CDK6: variants seen among roughly 807,000 people sequenced by gnomAD.
CDK6 encodes the protein cyclin-dependent kinase 6.
CDK6 carries 6 observed loss-of-function variants against 37.1 expected under a neutral mutation model. The ratio of observed to expected loss-of-function variants is 0.16; its 90% CI spans 0.09 to 0.32. The LOEUF is 0.32. CDK6 is among the 10% of genes least tolerant of loss of function. The pLI is 1.00. For synonymous variants in CDK6, 160 were observed against 161.3 expected, an observed-to-expected ratio of 0.99 and a Z score of 0.06; for missense variants, 224 against 418.9, an observed-to-expected ratio of 0.53 and a Z score of 4.06.
chr7:92,785,938 C>T (rs543914301), intron 2 of CDK6, among the ~76,000 whole-genome samples: 1 of 152,332 alleles, frequency 6.6e-6, no homozygotes, highest in Admixed American at 6.5e-5. Flanking sequence ...CCCAAACCCT[C>T]TTACATTTTT....
At chr7:92,758,058 A>T (rs573377873) in intron 3 of CDK6, among the ~76,000 whole-genome samples, 1 of 152,140 alleles carries the variant, frequency 6.6e-6, no homozygotes, top group South Asian at 2.1e-4. Context: ...CCTTTGTCAG[A>T]TGCACAGTTT....
chr7:92,774,304 C>T (rs902080720), intron 3 of CDK6, among the ~76,000 whole-genome samples: 3 of 152,142 alleles, frequency 2.0e-5, no homozygotes, highest in Admixed American at 6.6e-5. Flanking sequence ...ATACAATGTG[C>T]TCATGAATAA....
rs369544145 is a variant in CDK6 at position 92,712,006 on chromosome 7, G to A, written c.537+13620C>T. Among the ~76,000 whole-genome samples, 185 of 152,020 alleles carry A rather than the reference G, an allele frequency of 1.2e-3. 1 individual carries two copies. Among genetic ancestry groups the A allele is most frequent in the African/African-American group, 4.4e-3 (181 of 41,496 alleles). On this transcript the variant is annotated intron_variant, in intron 4 of 7. Coordinates refer to ENST00000424848, the MANE Select transcript of CDK6 (RefSeq NM_001145306.2). ...GATCGAGACCATCTTGGCTAACACG[G>A]TGAACCCTTGTCTCTACTAAAAATA... is the stretch of plus-strand genomic sequence containing the variant.
chr7:92,766,464 T>A (rs920729038), intron 3 of CDK6, among the ~76,000 whole-genome samples: 1 of 152,210 alleles, frequency 6.6e-6, no homozygotes, highest in South Asian at 2.1e-4. Flanking sequence ...GTCAATGTTT[T>A]ACATGGTTAG....
chr7:92,703,899 A>C (rs896805391), intron 4 of CDK6, among the ~76,000 whole-genome samples: 2 of 152,164 alleles, frequency 1.3e-5, no homozygotes, highest in African/African-American at 2.4e-5. Context: ...CAGGTCCCCC[A>C]CAGAGGGGCC....
intron 3 of CDK6, among the ~76,000 whole-genome samples, chr7:92,772,557 T>G (rs1799743663): frequency 6.6e-6 from 1 of 152,100 alleles, no homozygotes; most frequent in African/African-American, 2.4e-5. Context: ...AATTAACTTT[T>G]AATGTCACCT....
chr7:92,808,424 A>G (rs1352389174), intron 2 of CDK6, among the ~76,000 whole-genome samples: 3 of 152,226 alleles, frequency 2.0e-5, no homozygotes, highest in African/African-American at 4.8e-5. Flanking sequence ...TAGTCGGCCA[A>G]ATAGTTTGGT....
At chr7:92,734,314 A>G (rs1348176998) in intron 3 of CDK6, among the ~76,000 whole-genome samples, 1 of 152,098 alleles carries the variant, frequency 6.6e-6, no homozygotes, top group African/African-American at 2.4e-5. Flanking sequence ...CACTGATCTC[A>G]GTCCTCAAAT....
chr7:92,792,814 A>T (rs749972088), intron 2 of CDK6, among the ~76,000 whole-genome samples: 5 of 152,030 alleles, frequency 3.3e-5, no homozygotes, highest in Non-Finnish European at 5.9e-5. Flanking sequence ...ACAACTGTAA[A>T]CATATACTTC....
At chr7:92,642,169 C>T (rs1463850665) in intron 5 of CDK6, among the ~76,000 whole-genome samples, 1 of 152,142 alleles carries the variant, frequency 6.6e-6, no homozygotes, top group African/African-American at 2.4e-5. Context: ...CCCCCAACTC[C>T]TCCTTGTGGA....
At chr7:92,715,365 C>G (rs980045882) in intron 4 of CDK6, among the ~76,000 whole-genome samples, 3 of 151,986 alleles carry the variant, frequency 2.0e-5, no homozygotes, top group Non-Finnish European at 4.4e-5. Flanking sequence ...ATTCTGCCAG[C>G]CTTCAAAATA....
intron 3 of CDK6, among the ~76,000 whole-genome samples, chr7:92,774,362 G>A (rs887662386): frequency 2.0e-5 from 3 of 152,110 alleles, no homozygotes; most frequent in Non-Finnish European, 2.9e-5. Flanking sequence ...GAAGAAGACT[G>A]AGCTATACTT....
Position 92,622,009 on chromosome 7 carries a change from T to C in CDK6, c.698+1027A>G, listed in dbSNP as rs567149811. ...TGAAAATCTGTTCTTTAGGGGTGGT[T>C]TTTTTTTTTTTTTCAGTCTTACAGA... On this transcript the variant is annotated intron_variant, in intron 6 of 7. Coordinates refer to ENST00000424848, the MANE Select transcript of CDK6 (RefSeq NM_001145306.2). 2.4e-3 allele frequency among the ~76,000 whole-genome samples: 224 copies of C among 93,130 alleles called. 1 individual carries two copies. The highest frequency in any genetic ancestry group is 6.4e-3 in the African/African-American group (208 of 32,450). 61.1% of individuals were successfully genotyped at this position (93,130 alleles called of 152,430 possible). A position where few individuals can be genotyped will look rare whatever the true frequency, so the allele number is the denominator to read the frequency against.
chr7:92,780,826 C>T (rs1187837403), intron 2 of CDK6, among the ~76,000 whole-genome samples: 1 of 151,094 alleles, frequency 6.6e-6, no homozygotes, highest in East Asian at 1.9e-4. Context: ...CCAAAAAAAC[C>T]CCAAAAAACT....
chr7:92,828,596 A>G (rs1205464086), intron 2 of CDK6, among the ~76,000 whole-genome samples: 2 of 152,190 alleles, frequency 1.3e-5, no homozygotes, highest in South Asian at 2.1e-4. Flanking sequence ...TAAAAAAGAA[A>G]TAATTTATTT....
At chr7:92,768,701 C>G (rs896083622) in intron 3 of CDK6, among the ~76,000 whole-genome samples, 1 of 152,106 alleles carries the variant, frequency 6.6e-6, no homozygotes, top group East Asian at 1.9e-4. Flanking sequence ...TATGCAACAT[C>G]TGCTCTGAAT....
intron 3 of CDK6, among the ~76,000 whole-genome samples, chr7:92,747,194 C>A (rs1211553459): frequency 6.6e-6 from 1 of 152,184 alleles, no homozygotes; most frequent in Admixed American, 6.5e-5. Context: ...TTACTCCGGA[C>A]AATGAGTAAC....
At chr7:92,642,956 G>A (rs1796347998) in intron 5 of CDK6, among the ~76,000 whole-genome samples, 1 of 149,110 alleles carries the variant, frequency 6.7e-6, no homozygotes. Context: ...ATACAGTTGT[G>A]TGATCACAGC....
chr7:92,826,927 G>T (rs1189058990), intron 2 of CDK6, among the ~76,000 whole-genome samples: 2 of 152,090 alleles, frequency 1.3e-5, no homozygotes, highest in Non-Finnish European at 2.9e-5. Flanking sequence ...CACAATCCTG[G>T]TTCTCAAGTC....
Sources: gnomAD v4.1 joint callset for allele counts (sites outside exome capture counted in the v4.1 genomes callset) on GRCh38, gnomAD v4.1.1 for gene constraint, MANE v1.5 for transcripts, NCBI Gene and HGNC (gene_info 2026-07-23, HGNC 2026-07-21) for gene names.